RORA: variants seen among roughly 807,000 people sequenced by gnomAD.
RORA encodes RAR related orphan receptor A.
In RORA, 7 loss-of-function variants were observed where a neutral mutation model predicts 69.5. That is an observed-to-expected ratio of 0.10 (90% CI 0.06 to 0.19). The LOEUF is 0.19. Among genes scored for constraint, RORA ranks in the 10% least tolerant of loss-of-function variants. The probability of loss-of-function intolerance (pLI) is 1.00; values close to 1 mark genes in which losing one functional copy is unlikely to be tolerated. For missense variants in RORA, 457 were observed against 663.0 expected (o/e 0.69, Z 3.41); for synonymous variants, 261 against 240.8 (o/e 1.08, Z -0.78).
At chr15:60,555,133 C>G (rs879857321) in intron 2 of RORA, among the ~76,000 whole-genome samples, 3 of 152,162 alleles carry the variant, frequency 2.0e-5, no homozygotes, top group Non-Finnish European at 2.9e-5. Flanking sequence ...CTTAGCTTCT[C>G]TCTGTACCAA....
At chr15:60,829,751 G>C (rs1424558176) in intron 1 of RORA, among the ~76,000 whole-genome samples, 1 of 152,208 alleles carries the variant, frequency 6.6e-6, no homozygotes, top group Non-Finnish European at 1.5e-5. Flanking sequence ...GGAATAAAAG[G>C]CCAGTGCTGG....
At chr15:60,615,946 A>C (rs975100086) in intron 2 of RORA, among the ~76,000 whole-genome samples, 1 of 152,178 alleles carries the variant, frequency 6.6e-6, no homozygotes, top group African/African-American at 2.4e-5. Flanking sequence ...TATAAGCATG[A>C]TTGTTATGAG....
At chr15:60,711,663 T>C (rs2071145950) in intron 1 of RORA, among the ~76,000 whole-genome samples, 1 of 152,152 alleles carries the variant, frequency 6.6e-6, no homozygotes, top group Non-Finnish European at 1.5e-5. Flanking sequence ...ATAAATTCGA[T>C]TGCATCTATC....
intron 2 of RORA, among the ~76,000 whole-genome samples, chr15:60,620,165 A>G (rs1472310356): frequency 6.6e-6 from 1 of 152,266 alleles, no homozygotes; most frequent in Admixed American, 6.5e-5. Flanking sequence ...TATCTGGTGC[A>G]CAGTAAGTAT....
intron 1 of RORA, among the ~76,000 whole-genome samples, chr15:61,002,046 T>C (rs1298533025): frequency 1.3e-5 from 2 of 152,240 alleles, no homozygotes; most frequent in African/African-American, 4.8e-5. Context: ...AATGAGCTCC[T>C]TTCTCTGCCA....
intron 1 of RORA, among the ~76,000 whole-genome samples, chr15:61,198,988 C>A (rs1183740617): frequency 6.6e-6 from 1 of 152,150 alleles, no homozygotes; most frequent in Non-Finnish European, 1.5e-5. Context: ...TCTCTCACCA[C>A]CTGCTAGCCC....
intron 1 of RORA, among the ~76,000 whole-genome samples, chr15:61,024,525 A>G (rs1413475645): frequency 1.3e-5 from 2 of 148,622 alleles, no homozygotes; most frequent in Non-Finnish European, 3.0e-5. Context: ...ATCTTGGTTC[A>G]TTGTAACCTC....
chr15:60,698,852 T>C (rs1031985085), intron 1 of RORA, among the ~76,000 whole-genome samples: 1 of 152,144 alleles, frequency 6.6e-6, no homozygotes, highest in Non-Finnish European at 1.5e-5. Flanking sequence ...TCATTTATGA[T>C]GTTGTTTTGT....
At chr15:61,194,297 T>C (rs559447060) in intron 1 of RORA, among the ~76,000 whole-genome samples, 6 of 152,156 alleles carry the variant, frequency 3.9e-5, no homozygotes, top group Non-Finnish European at 8.8e-5. Flanking sequence ...CGGTGGCTCA[T>C]GCCTGTAATC....
intron 1 of RORA, among the ~76,000 whole-genome samples, chr15:61,138,323 T>C (rs1045259177): frequency 1.3e-5 from 2 of 152,186 alleles, no homozygotes; most frequent in Non-Finnish European, 2.9e-5. Context: ...TTAAAAAAAG[T>C]GACTCACATA....
chr15:60,738,751 A>T (rs1428650303), intron 1 of RORA, among the ~76,000 whole-genome samples: 3 of 152,220 alleles, frequency 2.0e-5, no homozygotes, highest in Admixed American at 2.0e-4. Context: ...CTGGTGGCTT[A>T]CACAGAGGAA....
At chr15:61,129,035 A>G (rs2079167272) in intron 1 of RORA, among the ~76,000 whole-genome samples, 1 of 152,240 alleles carries the variant, frequency 6.6e-6, no homozygotes, top group Non-Finnish European at 1.5e-5. Context: ...TGAATAATTT[A>G]AGAATTCACA....
chr15:61,215,129 C>T (rs902259937), intron 1 of RORA, among the ~76,000 whole-genome samples: 14 of 150,382 alleles, frequency 9.3e-5, no homozygotes, highest in East Asian at 2.0e-4. Flanking sequence ...GTGATCCGCC[C>T]GCCTCAGCCT....
chr15:61,215,130 G>A lies in RORA; in HGVS notation c.166+13923C>T, dbSNP rs551745778. Among the ~76,000 whole-genome samples the A allele has an allele frequency of 5.2e-4, 73 of 141,140 alleles. 1 individual carries two copies. The highest frequency in any genetic ancestry group is 1.1e-3 in the East Asian group (5 of 4,636). 92.6% of individuals were successfully genotyped at this position (141,140 alleles called of 152,430 possible). ...GAACTCATGACCTCGTGATCCGCCCGCCTCAGCCTCCCAAAGTGCTGGGAT... is the reference window on the plus strand; with the variant it reads ...GAACTCATGACCTCGTGATCCGCCCACCTCAGCCTCCCAAAGTGCTGGGAT... On this transcript the variant is annotated intron_variant, in intron 1 of 10. Transcript: ENST00000335670.
chr15:60,923,344 C>G (rs887017936), intron 1 of RORA, among the ~76,000 whole-genome samples: 2 of 152,208 alleles, frequency 1.3e-5, no homozygotes, highest in African/African-American at 4.8e-5. Flanking sequence ...GAACAAAGGG[C>G]CTTCATTTTA....
intron 1 of RORA, among the ~76,000 whole-genome samples, chr15:60,801,513 C>G (rs1198460563): frequency 6.6e-6 from 1 of 152,160 alleles, no homozygotes; most frequent in Non-Finnish European, 1.5e-5. Flanking sequence ...TTAAAACATT[C>G]TGGAAAATTG....
chr15:60,800,022 C>T lies in RORA; in HGVS notation c.167-121336G>A, dbSNP rs535753893. On this transcript the variant is annotated intron_variant, in intron 1 of 10. Coordinates refer to ENST00000335670, the MANE Select transcript of RORA (RefSeq NM_134261.3). ...GCTGTGTTATTCACTTGTCTATCTC[C>T]TGGGCCTGCAGCCATGTGCTACACC... 1.2e-3 allele frequency among the ~76,000 whole-genome samples: 189 copies of T among 152,324 alleles called. 3 individuals are homozygous for T. The highest frequency in any genetic ancestry group is 4.2e-3 in the African/African-American group (176 of 41,574).
chr15:60,590,558 A>G (rs918165278), intron 2 of RORA, among the ~76,000 whole-genome samples: 1 of 152,196 alleles, frequency 6.6e-6, no homozygotes, highest in African/African-American at 2.4e-5. Context: ...CAAAGTGGAT[A>G]AAGACTGGCA....
chr15:60,704,908 G>A (rs2071038558), intron 1 of RORA, among the ~76,000 whole-genome samples: 1 of 152,144 alleles, frequency 6.6e-6, no homozygotes, highest in African/African-American at 2.4e-5. Flanking sequence ...TCCCCACTCT[G>A]ACCTACATTA....
Sources: allele counts gnomAD v4.1 joint callset (sites outside exome capture counted in the v4.1 genomes callset), GRCh38; gene constraint gnomAD v4.1.1; transcripts MANE v1.5; gene names NCBI Gene and HGNC (gene_info 2026-07-23, HGNC 2026-07-21).